Variants in TRPM3 observed in about 807,000 individuals in gnomAD.
TRPM3 encodes long transient receptor potential channel 3.
A neutral mutation model predicts 181.2 loss-of-function variants in TRPM3; 77 were observed. That is an observed-to-expected ratio of 0.42 (90% CI 0.35 to 0.51). The LOEUF is 0.51. Among genes scored for constraint, TRPM3 ranks in the 20% least tolerant of loss-of-function variants. The pLI is 0.01. For synonymous variants in TRPM3, 745 were observed against 796.4 expected (o/e 0.94, Z 1.09); for missense variants, 1,759 against 2,196.7 (o/e 0.80, Z 3.98).
At chr9:71,183,639 C>G (rs995897119) in intron 1 of TRPM3, among the ~76,000 whole-genome samples, 4 of 152,086 alleles carry the variant, frequency 2.6e-5, no homozygotes, top group Admixed American at 2.0e-4. Context: ...ATTTAGGCTA[C>G]TTTTATATCT....
chr9:71,169,421 T>C (rs1565299358), intron 1 of TRPM3, among the ~76,000 whole-genome samples: 1 of 152,150 alleles, frequency 6.6e-6, no homozygotes, highest in Non-Finnish European at 1.5e-5. Context: ...ATGTTATTTA[T>C]ATGCAAAAGA....
At chr9:70,570,312 T>C (rs1588582032) in intron 22 of TRPM3, among the ~76,000 whole-genome samples, 1 of 144,888 alleles carries the variant, frequency 6.9e-6, no homozygotes, top group Non-Finnish European at 1.5e-5. Flanking sequence ...GTTTTTTTTT[T>C]TTTTTTTTTT....
intron 1 of TRPM3, among the ~76,000 whole-genome samples, chr9:70,883,662 T>C (rs1020301363): frequency 6.6e-6 from 1 of 152,302 alleles, no homozygotes; most frequent in South Asian, 2.1e-4. Flanking sequence ...ATGGTAGACT[T>C]ATATGAGCCA....
At chr9:71,026,193 G>C (rs1390612807) in intron 1 of TRPM3, among the ~76,000 whole-genome samples, 1 of 152,164 alleles carries the variant, frequency 6.6e-6, no homozygotes, top group Admixed American at 6.5e-5. Flanking sequence ...TCCCACAGAA[G>C]ACTTTAGCCC....
intron 1 of TRPM3, among the ~76,000 whole-genome samples, chr9:70,907,007 T>C (rs903195830): frequency 3.9e-5 from 6 of 152,192 alleles, no homozygotes; most frequent in African/African-American, 1.4e-4. Context: ...AACCCAAGTA[T>C]ATGAGAGCTG....
chr9:70,582,947 T>G (rs549503712), intron 22 of TRPM3, among the ~76,000 whole-genome samples: 1 of 152,342 alleles, frequency 6.6e-6, no homozygotes, highest in Non-Finnish European at 1.5e-5. Flanking sequence ...GTGTTTATTT[T>G]TATTTTGGGT....
chr9:71,365,707 T>C (rs1465789448), intron 1 of TRPM3, among the ~76,000 whole-genome samples: 2 of 152,190 alleles, frequency 1.3e-5, no homozygotes, highest in Non-Finnish European at 2.9e-5. Context: ...GCCTGGATTA[T>C]TGTCCATTCC....
intron 1 of TRPM3, among the ~76,000 whole-genome samples, chr9:71,436,795 G>T (rs1241241740): frequency 6.6e-6 from 1 of 152,172 alleles, no homozygotes; most frequent in Non-Finnish European, 1.5e-5. Flanking sequence ...TGAAACCCAT[G>T]TCATACTTCC....
At chr9:70,688,586 C>T (rs776445535) in intron 8 of TRPM3, among the ~76,000 whole-genome samples, 21 of 152,178 alleles carry the variant, frequency 1.4e-4, no homozygotes, top group Admixed American at 7.2e-4. Context: ...CTCTTGCTGA[C>T]TGCACTCCCA....
At chr9:71,377,867 T>C (rs1299914579) in intron 1 of TRPM3, among the ~76,000 whole-genome samples, 1 of 152,068 alleles carries the variant, frequency 6.6e-6, no homozygotes, top group Non-Finnish European at 1.5e-5. Context: ...TTGGCTAATA[T>C]TATGTTTATG....
rs367841372 is a variant in TRPM3, at chr9:70,625,499, C to T, written c.1651G>A (p.Gly551Ser). 10 of 1,612,422 alleles carry T rather than the reference C, an allele frequency of 6.2e-6. No individual in the cohort carries two copies. Among genetic ancestry groups the T allele is most frequent in the East Asian group, 2.2e-5 (1 of 44,870 alleles). ...TAATTCACCTTAAAATAGATCCAAC[C>T]GAAACCTGGATACTCTCGCTTGGAA... is the stretch of plus-strand genomic sequence containing the variant. Reference protein sequence around the residue: ...DVKKREYPGFGWIYFKGNLPP... With the variant: ...DVKKREYPGFSWIYFKGNLPP... Residue 551 changes from glycine (G) to serine (S), a missense_variant, in exon 13 of 26, where the codon GGT becomes AGT. Physicochemically the swap from Gly to Ser is moderately conservative, Grantham distance 56. Coordinates refer to ENST00000677713, the MANE Select transcript of TRPM3 (RefSeq NM_001366145.2). The surrounding 1 kb of genome is among the most constrained non-coding windows in gnomAD (Gnocchi z 4.8).
chr9:71,360,802 T>G (rs1001497412), intron 1 of TRPM3, among the ~76,000 whole-genome samples: 3 of 152,048 alleles, frequency 2.0e-5, no homozygotes, highest in African/African-American at 7.2e-5. Flanking sequence ...CAAGTAATAA[T>G]GGTAGAGTTT....
chr9:70,780,257 T>C (rs1217097023), intron 7 of TRPM3, among the ~76,000 whole-genome samples: 1 of 152,124 alleles, frequency 6.6e-6, no homozygotes, highest in Non-Finnish European at 1.5e-5. Flanking sequence ...TTAAGAATCT[T>C]TAAATTAACT....
At chr9:70,821,507 T>C (rs948997060) in intron 6 of TRPM3, among the ~76,000 whole-genome samples, 1 of 152,248 alleles carries the variant, frequency 6.6e-6, no homozygotes, top group Non-Finnish European at 1.5e-5. Flanking sequence ...CACATGTTTA[T>C]TAAGCAGCTA....
At chr9:70,798,892 T>C (rs1285351770) in intron 6 of TRPM3, among the ~76,000 whole-genome samples, 1 of 152,144 alleles carries the variant, frequency 6.6e-6, no homozygotes, top group Non-Finnish European at 1.5e-5. Context: ...GAGAAGAACA[T>C]GCTGAGTGCC....
chr9:70,552,837 A>G lies in TRPM3; in HGVS notation c.3574+7T>C, dbSNP rs754424123. 12 of 1,613,458 alleles carry G rather than the reference A, an allele frequency of 7.4e-6. No homozygotes were observed. Among genetic ancestry groups the G allele is most frequent in the Non-Finnish European group, 3.4e-6 (4 of 1,180,002 alleles). ...TTGTGGCAGCTCGGCTGTCGCTTGA[A>G]GCTTACTCAGGCCGTAGTCCCTTTC... On this transcript the variant is annotated splice_region_variant and intron_variant, in intron 24 of 25. Transcript: ENST00000677713.
intron 8 of TRPM3, among the ~76,000 whole-genome samples, chr9:70,699,004 G>T (rs957443640): frequency 1.3e-5 from 2 of 152,092 alleles, no homozygotes; most frequent in Non-Finnish European, 2.9e-5. Context: ...ATGCAAGAAC[G>T]AACTAATACA....
At chr9:70,976,242 C>G (rs572269012) in intron 1 of TRPM3, among the ~76,000 whole-genome samples, 2 of 152,282 alleles carry the variant, frequency 1.3e-5, no homozygotes, top group East Asian at 3.9e-4. Context: ...ATTGAGCATC[C>G]TCTCATGAGC....
intron 3 of TRPM3, among the ~76,000 whole-genome samples, chr9:70,860,874 C>A (rs765996632): frequency 6.6e-6 from 1 of 152,066 alleles, no homozygotes; most frequent in Non-Finnish European, 1.5e-5. Flanking sequence ...CATAAGTCAT[C>A]CCGTTTAATG....
Sources: allele counts gnomAD v4.1 joint callset (sites outside exome capture counted in the v4.1 genomes callset), GRCh38; gene constraint gnomAD v4.1.1; non-coding constraint Gnocchi (gnomAD v3.1); transcripts MANE v1.5; gene names NCBI Gene and HGNC (gene_info 2026-07-23, HGNC 2026-07-21).